The following PRP4K variants were observed in gnomAD, a reference collection of about 807,000 sequenced individuals.
The protein encoded by PRP4K is serine/threonine-protein kinase PRP4 homolog.
the PRP4K span, chr6:4,021,357 C>T: frequency 1.9e-5 from 29 of 1,548,310 alleles, no homozygotes; most frequent in Non-Finnish European, 2.3e-5. Context: ...TTCCTTCTTC[C>T]TCCACTTCCC....
chr6:4,043,036 T>G, the PRP4K span, among the ~76,000 whole-genome samples: 1 of 152,140 alleles, frequency 6.6e-6, no homozygotes, highest in Non-Finnish European at 1.5e-5. Context: ...ATGAAGAAGA[T>G]TGGGTGGGGA....
At chr6:4,024,879 C>CA in the PRP4K span, among the ~76,000 whole-genome samples, 1 of 152,154 alleles carries the variant, frequency 6.6e-6, no homozygotes, top group Non-Finnish European at 1.5e-5. Flanking sequence ...GTTGGGATTA[C>CA]AGTCATAAGC....
chr6:4,048,004 C>T, the PRP4K span, among the ~76,000 whole-genome samples: 31 of 149,478 alleles, frequency 2.1e-4, no homozygotes, highest in African/African-American at 7.6e-4. Context: ...GAGTATTGAC[C>T]CAGTTTTGGT....
chr6:4,054,338 A>G, the PRP4K span, among the ~76,000 whole-genome samples: 3 of 152,132 alleles, frequency 2.0e-5, no homozygotes, highest in Non-Finnish European at 4.4e-5. Flanking sequence ...TTCCTTCCAG[A>G]CAACCACATT....
chr6:4,042,631 A>G, the PRP4K span: 2 of 1,291,236 alleles, frequency 1.5e-6, no homozygotes, highest in South Asian at 2.6e-5. Flanking sequence ...TTTAACAAAA[A>G]TGTAGCATTA....
the PRP4K span, among the ~76,000 whole-genome samples, chr6:4,047,590 A>G: frequency 1.3e-5 from 2 of 152,192 alleles, no homozygotes; most frequent in Non-Finnish European, 2.9e-5. Context: ...CTTTATTAGA[A>G]TAGACTCCAC....
At chr6:4,043,002 T>C in the PRP4K span, among the ~76,000 whole-genome samples, 3 of 152,180 alleles carry the variant, frequency 2.0e-5, no homozygotes, top group Admixed American at 2.0e-4. Flanking sequence ...ATTTGAAAAA[T>C]AATTTTAAGA....
At chr6:4,054,970 A>G in the PRP4K span, among the ~76,000 whole-genome samples, 1 of 152,236 alleles carries the variant, frequency 6.6e-6, no homozygotes, top group African/African-American at 2.4e-5. Context: ...CTAAACTAGT[A>G]TAGGTTTTCA....
the PRP4K span, chr6:4,040,670 G>A: frequency 1.6e-6 from 2 of 1,245,590 alleles, no homozygotes; most frequent in Non-Finnish European, 2.2e-6. Context: ...GCAAAATTGA[G>A]TAGAAAGTAG....
chr6:4,064,698 G>GT, the PRP4K span: 3 of 152,514 alleles, frequency 2.0e-5, no homozygotes, highest in South Asian at 6.2e-4. Context: ...ATTCATTTGT[G>GT]TTTTTTACAT....
the PRP4K span, among the ~76,000 whole-genome samples, chr6:4,048,375 T>C: frequency 1.7e-4 from 16 of 92,742 alleles, no homozygotes; most frequent in Admixed American, 1.3e-3. Flanking sequence ...CAAGACTCCG[T>C]CTCAAAAAAA....
the PRP4K span, among the ~76,000 whole-genome samples, chr6:4,036,509 A>G: frequency 6.6e-6 from 1 of 152,084 alleles, no homozygotes; most frequent in Non-Finnish European, 1.5e-5. Context: ...AGTGTGAGCC[A>G]CCACACCTAG....
chr6:4,045,509 C>T, the PRP4K span, among the ~76,000 whole-genome samples: 4 of 152,146 alleles, frequency 2.6e-5, no homozygotes, highest in Non-Finnish European at 5.9e-5. Flanking sequence ...GGCCTTTGCA[C>T]TGGACAAAGT....
chr6:4,060,327 T>G, the PRP4K span: 1 of 1,274,512 alleles, frequency 7.8e-7, no homozygotes, highest in African/African-American at 1.5e-5. This position sits in a 1 kb window ranked among gnomAD's most constrained non-coding sequence, Gnocchi z 4.7. Context: ...TTTTTAATAT[T>G]TTTGATAGAC....
At chr6:4,048,100 C>T in the PRP4K span, among the ~76,000 whole-genome samples, 1 of 152,040 alleles carries the variant, frequency 6.6e-6, no homozygotes, top group African/African-American at 2.4e-5. Flanking sequence ...TCAGAAGGGC[C>T]TGGCACGGTG....
the PRP4K span, among the ~76,000 whole-genome samples, chr6:4,028,329 T>C: frequency 6.6e-6 from 1 of 151,940 alleles, no homozygotes; most frequent in Non-Finnish European, 1.5e-5. Flanking sequence ...TACCTCAGCC[T>C]TTTGAGTAAC....
chr6:4,039,469 G>A, the PRP4K span, among the ~76,000 whole-genome samples: 12 of 152,112 alleles, frequency 7.9e-5, no homozygotes, highest in Non-Finnish European at 1.8e-4. Context: ...CCCTTCTCTA[G>A]AAAGCAAATC....
the PRP4K span, among the ~76,000 whole-genome samples, chr6:4,030,906 T>C: frequency 6.6e-6 from 1 of 152,226 alleles, no homozygotes; most frequent in Non-Finnish European, 1.5e-5. Flanking sequence ...AGGATGTGTT[T>C]ATACTATCAC....
At chr6:4,062,452 G>A in the PRP4K span, 3 of 152,572 alleles carry the variant, frequency 2.0e-5, no homozygotes, top group African/African-American at 7.2e-5. The surrounding 1 kb of genome is among the most constrained non-coding windows in gnomAD (Gnocchi z 4.2). Context: ...GCTGTTTGGG[G>A]GGTAAAATTA....
Sources: gnomAD v4.1 joint callset for allele counts (sites outside exome capture counted in the v4.1 genomes callset) on GRCh38, gnomAD v4.1.1 for gene constraint, Gnocchi (gnomAD v3.1) non-coding constraint, MANE v1.5 for transcripts, NCBI Gene and HGNC (gene_info 2026-07-23, HGNC 2026-07-21) for gene names.